The following SF3B3 variants were observed in gnomAD, a reference collection of about 807,000 sequenced individuals.
SF3B3 encodes splicing factor 3b subunit 3, also known as SAP 130.
Under a neutral mutation model 139.2 loss-of-function variants are expected in SF3B3, and 33 were observed. That is an observed-to-expected ratio of 0.24 (90% confidence interval 0.18 to 0.32). The LOEUF is 0.32. Ranked by LOEUF, SF3B3 falls within the 10% of genes least tolerant of loss-of-function variation. The probability of loss-of-function intolerance (pLI) is 1.00; values close to 1 mark genes in which losing one functional copy is unlikely to be tolerated. For synonymous variants in SF3B3, 596 were observed against 563.6 expected, an observed-to-expected ratio of 1.06 and a Z score of -0.81; for missense variants, 818 against 1,509.4, an observed-to-expected ratio of 0.54 and a Z score of 7.59.
intron 14 of SF3B3, 90 bp downstream of exon 14, chr16:70,556,424 C>A: frequency 2.1e-6 from 3 of 1,429,110 alleles, no homozygotes; most frequent in South Asian, 1.2e-5. Context: ...CTCCTGATGT[C>A]TATCTCTGAG....
intron 10 of SF3B3, among the ~76,000 whole-genome samples, chr16:70,545,945 A>C (rs1458543946): frequency 6.6e-6 from 1 of 152,130 alleles, no homozygotes; most frequent in African/African-American, 2.4e-5. Flanking sequence ...AATGACTCAG[A>C]CCCAATTTAG....
intron 16 of SF3B3, among the ~76,000 whole-genome samples, chr16:70,561,165 C>T (rs1048636255): frequency 2.6e-5 from 4 of 152,102 alleles, no homozygotes; most frequent in Non-Finnish European, 4.4e-5. Context: ...GGATTACAGG[C>T]GCATGCCACC....
At position 70,528,900 on chromosome 16, in the gene SF3B3, C is replaced by G. The variant is rs2050093360; in HGVS notation, c.98C>G (p.Ser33Cys). 6.2e-7 allele frequency: 1 copy of G among 1,611,328 alleles called. No individual in the cohort carries two copies. The highest frequency in any genetic ancestry group is 1.7e-5 in the Admixed American group (1 of 59,908). Residue 33 changes from serine to cysteine, a missense_variant, in exon 3 of 26, where the codon TCC (serine) becomes TGC (cysteine). Transcript: ENST00000302516. ...SGTKQQEIVV[S>C]RGKILELLRP... ...ACCAAACAACAAGAAATTGTTGTTT[C>G]CCGTGGGAAGATCTTGGAGCTGCTT...
chr16:70,532,754 T>G (rs1464308685), intron 5 of SF3B3, 134 bp downstream of exon 5: 1 of 856,662 alleles, frequency 1.2e-6, no homozygotes, highest in Non-Finnish European at 1.8e-6. Flanking sequence ...TTTGGACAGG[T>G]TAGAAGTTCA....
intron 1 of SF3B3, 130 bp from the exon 2 acceptor site, chr16:70,526,457 C>A (rs1309117934): frequency 1.9e-6 from 1 of 528,010 alleles, no homozygotes; most frequent in Non-Finnish European, 3.3e-6. Context: ...CCACCACGCC[C>A]GGTCACATAT....
chr16:70,529,318 C>G (rs1173920930), intron 3 of SF3B3, 119 bp downstream of exon 3: 1 of 792,942 alleles, frequency 1.3e-6, no homozygotes, highest in Admixed American at 2.8e-5. Context: ...TTTGGATTTA[C>G]TCTAGGTTTA....
At chr16:70,551,120 T>A (rs1175663966) in intron 11 of SF3B3, among the ~76,000 whole-genome samples, 2 of 152,112 alleles carry the variant, frequency 1.3e-5, no homozygotes, top group Non-Finnish European at 2.9e-5. Flanking sequence ...GGATGGTCGC[T>A]CACTTTACCT....
At chr16:70,538,652 A>G (rs1291067722) in intron 7 of SF3B3, among the ~76,000 whole-genome samples, 192 bp downstream of exon 7, 1 of 152,236 alleles carries the variant, frequency 6.6e-6, no homozygotes, top group Non-Finnish European at 1.5e-5. Context: ...AAGAGCGGCA[A>G]TGCCACTTGT....
intron 14 of SF3B3, 24 bp from the exon 15 acceptor site, chr16:70,556,862 T>C (rs1488733426): frequency 6.2e-7 from 1 of 1,613,792 alleles, no homozygotes; most frequent in South Asian, 1.1e-5. Flanking sequence ...TTCTGTGTTT[T>C]TATGATTTTT....
chr16:70,550,738 C>T, intron 11 of SF3B3: 1 of 885,014 alleles, frequency 1.1e-6, no homozygotes, highest in Non-Finnish European at 1.4e-6. Context: ...GGAGAGGGAC[C>T]TGCACAAAAT....
At chr16:70,534,318 G>A (rs1471510395) in intron 5 of SF3B3, among the ~76,000 whole-genome samples, 1 of 152,208 alleles carries the variant, frequency 6.6e-6, no homozygotes, top group African/African-American at 2.4e-5. Context: ...AGGGACTGGG[G>A]TAGGAGTAGG....
At chr16:70,531,693 T>A (rs2050123073) in intron 4 of SF3B3, among the ~76,000 whole-genome samples, 1 of 152,252 alleles carries the variant, frequency 6.6e-6, no homozygotes, top group African/African-American at 2.4e-5. Context: ...TTTCTCTGAT[T>A]TAAGTAATCT....
At chr16:70,547,323 T>C (rs969680169) in intron 10 of SF3B3, among the ~76,000 whole-genome samples, 3 of 152,254 alleles carry the variant, frequency 2.0e-5, no homozygotes, top group African/African-American at 7.2e-5. Flanking sequence ...GCTAGTTTAT[T>C]GTCTCTAGAT....
intron 14 of SF3B3, 88 bp from the exon 15 acceptor site, chr16:70,556,798 T>C: frequency 2.0e-6 from 3 of 1,495,566 alleles, no homozygotes; most frequent in Non-Finnish European, 2.8e-6. Flanking sequence ...GAAGTACTTT[T>C]TCAATCCTAG....
intron 15 of SF3B3, among the ~76,000 whole-genome samples, chr16:70,557,609 A>G (rs1358660984): frequency 2.0e-5 from 3 of 152,228 alleles, no homozygotes; most frequent in East Asian, 3.9e-4. Context: ...AGAGAGACTA[A>G]TACAGTGAAC....
chr16:70,571,446 G>A (rs1388804392), intron 25 of SF3B3, among the ~76,000 whole-genome samples: 1 of 152,166 alleles, frequency 6.6e-6, no homozygotes, highest in Non-Finnish European at 1.5e-5. Flanking sequence ...GTCTGGGCGT[G>A]GTGGCACACA....
intron 5 of SF3B3, among the ~76,000 whole-genome samples, chr16:70,534,202 G>A (rs2050146193): frequency 6.6e-6 from 1 of 152,240 alleles, no homozygotes; most frequent in African/African-American, 2.4e-5. Context: ...GAGTGGGAGA[G>A]GAAGTTTCAG....
intron 6 of SF3B3, among the ~76,000 whole-genome samples, chr16:70,537,226 A>G (rs144551460): frequency 2.6e-5 from 4 of 152,370 alleles, no homozygotes; most frequent in East Asian, 3.9e-4. Context: ...ATTCTCCACT[A>G]TGTCACACAT....
At chr16:70,532,898 G>C (rs2050134825) in intron 5 of SF3B3, among the ~76,000 whole-genome samples, 1 of 152,186 alleles carries the variant, frequency 6.6e-6, no homozygotes, top group South Asian at 2.1e-4. Context: ...GTTAGTTGCT[G>C]TGACAGTTTG....
Sources: gnomAD v4.1 joint callset for allele counts (sites outside exome capture counted in the v4.1 genomes callset) on GRCh38, gnomAD v4.1.1 for gene constraint, MANE v1.5 for transcripts, NCBI Gene and HGNC (gene_info 2026-07-23, HGNC 2026-07-21) for gene names.